SLCO1A2: variants seen among roughly 807,000 people sequenced by gnomAD.
The protein encoded by SLCO1A2 is solute carrier organic anion transporter family member 1A2, also known as OATP-1.
SLCO1A2 carries 67 observed loss-of-function variants against 69.0 expected under a neutral mutation model. That is an observed-to-expected ratio of 0.97 (90% confidence interval 0.80 to 1.19). SLCO1A2 has a LOEUF of 1.19. Ranked by LOEUF, SLCO1A2 falls within the 50% of genes most tolerant of loss-of-function variation. The probability of loss-of-function intolerance (pLI) is 0.00; values close to 1 mark genes in which losing one functional copy is unlikely to be tolerated. For synonymous variants in SLCO1A2, 260 were observed against 265.9 expected, an observed-to-expected ratio of 0.98 and a Z score of 0.22; for missense variants, 787 against 793.7, an observed-to-expected ratio of 0.99 and a Z score of 0.10.
At chr12:21,297,627 C>T (rs1183635731) in intron 8 of SLCO1A2, 59 bp from the exon 9 acceptor site, 2 of 1,203,752 alleles carry the variant, frequency 1.7e-6, no homozygotes, top group Non-Finnish European at 2.3e-6. Context: ...TTGTGACTGG[C>T]TTTTCCTGAA....
chr12:21,273,031 T>C (rs928822965), intron 14 of SLCO1A2, among the ~76,000 whole-genome samples: 3 of 152,186 alleles, frequency 2.0e-5, no homozygotes, highest in Non-Finnish European at 4.4e-5. Flanking sequence ...CAAAGGACTT[T>C]TTTTACTCAC....
At chr12:21,276,440 A>C (rs1265431202) in intron 12 of SLCO1A2, among the ~76,000 whole-genome samples, 1 of 151,096 alleles carries the variant, frequency 6.6e-6, no homozygotes, top group Non-Finnish European at 1.5e-5. Context: ...ATCTGTCCAA[A>C]ATAGTGCAAT....
At chr12:21,384,820 C>T (rs186183327) in intron 1 of SLCO1A2, among the ~76,000 whole-genome samples, 2 of 147,626 alleles carry the variant, frequency 1.4e-5, no homozygotes, top group Non-Finnish European at 3.0e-5. Context: ...GGCTGGAGAG[C>T]GGTGGCGCGA....
intron 1 of SLCO1A2, among the ~76,000 whole-genome samples, chr12:21,380,628 A>C (rs937647812): frequency 6.6e-6 from 1 of 152,234 alleles, no homozygotes; most frequent in South Asian, 2.1e-4. Flanking sequence ...TACTGAGTGT[A>C]TTCTCTGGTT....
chr12:21,303,355 G>A (rs1426118968), intron 6 of SLCO1A2, among the ~76,000 whole-genome samples: 1 of 152,088 alleles, frequency 6.6e-6, no homozygotes, highest in East Asian at 1.9e-4. Context: ...TTTAATATAA[G>A]TTTGTGAAGG....
upstream of SLCO1A2, among the ~76,000 whole-genome samples, chr12:21,400,354 A>G (rs1941647275): frequency 6.6e-6 from 1 of 151,920 alleles, no homozygotes; most frequent in African/African-American, 2.4e-5. Flanking sequence ...TTAGAATGGC[A>G]ATCATTAAAA....
Position 21,313,984 on chromosome 12 carries a change from A to T in SLCO1A2, c.335+565T>A, listed in dbSNP as rs1271445998. ...CTCAAAAAAATAATAATAAATAATA[A>T]AAAAAAAAAACAGAAAAAAAAGAAA... On this transcript the variant is annotated intron_variant, in intron 4 of 14. Coordinates refer to ENST00000683939, the MANE Select transcript of SLCO1A2 (RefSeq NM_001386879.1). Among the ~76,000 whole-genome samples the T allele has an allele frequency of 7.2e-4, 83 of 114,780 alleles. 1 individual carries two copies. The highest frequency in any genetic ancestry group is 4.1e-3 in the African/African-American group (75 of 18,258). The allele number at this position is 114,780 out of a possible 152,430, so 75.3% of individuals were successfully genotyped here. A position where few individuals can be genotyped will look rare whatever the true frequency, so the allele number is the denominator to read the frequency against.
intron 1 of SLCO1A2, among the ~76,000 whole-genome samples, chr12:21,411,195 T>C (rs1332559154): frequency 6.6e-6 from 1 of 152,214 alleles, no homozygotes; most frequent in African/African-American, 2.4e-5. Context: ...TTAAGAAATC[T>C]TACCCTGCCT....
chr12:21,269,610 A>C lies in SLCO1A2; in HGVS notation c.1951T>G (p.Cys651Gly), dbSNP rs142017745. The change falls in exon 15 of 15, where the codon TGC becomes GGC. Residue 651 changes from cysteine (C) to glycine (G), a missense_variant. Coordinates refer to ENST00000683939, the MANE Select transcript of SLCO1A2 (RefSeq NM_001386879.1). Reference sequence around the variant, plus strand: ...GTGGACTTTTGGTATATATCTTTGCACTCATTTTCCTTCCCTTTGACTTTT... The same window carrying C: ...GTGGACTTTTGGTATATATCTTTGCCCTCATTTTCCTTCCCTTTGACTTTT... Reference protein sequence around the residue: ...ETKVKGKENECKDIYQKSTVL... With the variant: ...ETKVKGKENEGKDIYQKSTVL... 5.0e-6 allele frequency: 8 copies of C among 1,612,508 alleles called. No individual in the cohort carries two copies. The East Asian group carries it at 1.8e-4, about 36-fold the overall frequency.
intron 2 of SLCO1A2, among the ~76,000 whole-genome samples, chr12:21,330,601 CTG>C (rs1438253643): frequency 1.3e-5 from 2 of 151,970 alleles, no homozygotes; most frequent in Non-Finnish European, 2.9e-5. Flanking sequence ...GAGAAAAAAA[CTG>C]AAGCAGTAGG....
intron 12 of SLCO1A2, among the ~76,000 whole-genome samples, chr12:21,290,721 G>T (rs537723310): frequency 2.6e-5 from 4 of 152,162 alleles, no homozygotes; most frequent in South Asian, 2.1e-4. Flanking sequence ...AAATTTAAGG[G>T]AATATTTTTA....
At chr12:21,395,743 G>A (rs544524827), upstream of SLCO1A2, among the ~76,000 whole-genome samples, 1 of 152,244 alleles carries the variant, frequency 6.6e-6, no homozygotes, top group Non-Finnish European at 1.5e-5. Context: ...TAACTGGGAG[G>A]CACCCCCCAG....
At chr12:21,396,315 T>A (rs1941457920), upstream of SLCO1A2, among the ~76,000 whole-genome samples, 1 of 149,670 alleles carries the variant, frequency 6.7e-6, no homozygotes, top group African/African-American at 2.5e-5. Context: ...GAAGGGAAGT[T>A]TAGAGAAAAA....
At chr12:21,396,731 GA>G (rs1941477464), upstream of SLCO1A2, among the ~76,000 whole-genome samples, 1 of 152,126 alleles carries the variant, frequency 6.6e-6, no homozygotes, top group Non-Finnish European at 1.5e-5. Context: ...ATTTCTTAAA[GA>G]AAAGAATTTT....
chr12:21,293,346 T>C (rs896971286), intron 11 of SLCO1A2, among the ~76,000 whole-genome samples: 2 of 152,084 alleles, frequency 1.3e-5, no homozygotes, highest in Admixed American at 1.3e-4. Context: ...AAAAAAAGAA[T>C]TGTCAACCTT....
At chr12:21,391,062 G>A (rs1287919696) in intron 1 of SLCO1A2, among the ~76,000 whole-genome samples, 1 of 152,098 alleles carries the variant, frequency 6.6e-6, no homozygotes, top group East Asian at 1.9e-4. Flanking sequence ...TATTTTGAGA[G>A]ATTTAAAATG....
chr12:21,287,476 A>G (rs1432974913), intron 12 of SLCO1A2, among the ~76,000 whole-genome samples: 1 of 134,968 alleles, frequency 7.4e-6, no homozygotes, highest in South Asian at 2.6e-4. Flanking sequence ...ATCTAGAACT[A>G]GAAATACCAT....
intron 2 of SLCO1A2, among the ~76,000 whole-genome samples, chr12:21,360,900 G>A (rs992129933): frequency 2.6e-5 from 4 of 152,162 alleles, no homozygotes; most frequent in East Asian, 1.9e-4. Flanking sequence ...ACTCGAACTC[G>A]GTGGAGCCCA....
intron 7 of SLCO1A2, 91 bp from the exon 8 acceptor site, chr12:21,300,660 C>A: frequency 2.0e-6 from 2 of 1,020,492 alleles, no homozygotes; most frequent in Non-Finnish European, 2.7e-6. Context: ...TATCGGGTCC[C>A]AACCAACTAT....
Sources: allele counts gnomAD v4.1 joint callset (sites outside exome capture counted in the v4.1 genomes callset), GRCh38; gene constraint gnomAD v4.1.1; transcripts MANE v1.5; gene names NCBI Gene and HGNC (gene_info 2026-07-23, HGNC 2026-07-21).